Variants in CLEC4F observed in about 807,000 individuals in gnomAD.
The protein encoded by CLEC4F is C-type lectin domain family 4 member F, also known as C-type (calcium dependent, carbohydrate-recognition domain) lectin, superfamily member 13.
A neutral mutation model predicts 53.4 loss-of-function variants in CLEC4F; 45 were observed. That is an observed-to-expected ratio of 0.84 (90% CI 0.66 to 1.08). The LOEUF (loss-of-function observed/expected upper bound fraction) is 1.08. Among genes scored for constraint, CLEC4F ranks in the 50% least tolerant of loss-of-function variants. The pLI, the probability that CLEC4F is intolerant of heterozygous loss-of-function variation, is 0.00. For missense variants in CLEC4F, 753 were observed against 698.2 expected, an observed-to-expected ratio of 1.08 and a Z score of -0.88; for synonymous variants, 245 against 257.5, an observed-to-expected ratio of 0.95 and a Z score of 0.46.
At chr2:70,810,814 C>A in intron 5 of CLEC4F, 1 of 526,354 alleles carries the variant, frequency 1.9e-6, no homozygotes. Flanking sequence ...TTCACTTTCC[C>A]CAGAAATTGA....
intron 4 of CLEC4F, among the ~76,000 whole-genome samples, chr2:70,815,592 C>A (rs1553395568): frequency 3.9e-5 from 6 of 152,172 alleles, no homozygotes; most frequent in Non-Finnish European, 8.8e-5. Flanking sequence ...CTCATTGGAT[C>A]CTCACTGTGA....
chr2:70,811,740 G>A (rs576326130), intron 5 of CLEC4F, among the ~76,000 whole-genome samples: 1 of 152,138 alleles, frequency 6.6e-6, no homozygotes, highest in African/African-American at 2.4e-5. Context: ...AGAAGCCTGG[G>A]TCTCCTATTC....
At chr2:70,823,875 C>T (rs1025382541), upstream of CLEC4F, among the ~76,000 whole-genome samples, 3 of 151,872 alleles carry the variant, frequency 2.0e-5, no homozygotes, top group Admixed American at 6.6e-5. Context: ...ATTAAAAATA[C>T]AAAAACTAAC....
In CLEC4F at chr2:70,820,579, GT is replaced by G. The variant is rs1189620093; in HGVS notation, c.-57del. 27 of 1,523,804 alleles carry G rather than the reference GT, an allele frequency of 1.8e-5. No individual in the cohort carries two copies. The Middle Eastern group carries it at 1.2e-3, about 69-fold the overall frequency. 94.4% of individuals were successfully genotyped at this position (1,523,804 alleles called of 1,614,324 possible). Reference sequence around the variant, plus strand: ...CCAGCCACTGGCTCCTGGAAGGGCCGTCCCGTGGACCAATGGCAGTGGAAGC... The same window carrying G: ...CCAGCCACTGGCTCCTGGAAGGGCCGCCCGTGGACCAATGGCAGTGGAAGC... On this transcript the variant is annotated 5_prime_UTR_variant, in exon 1 of 7. Transcript: ENST00000272367.
At position 70,808,766 on chromosome 2, in the gene CLEC4F, C is replaced by T. The variant is rs1001761611; in HGVS notation, c.*505G>A. 5 of 360,030 alleles carry T rather than the reference C, an allele frequency of 1.4e-5. No individual in the cohort carries two copies. Among genetic ancestry groups the T allele is most frequent in the Admixed American group, 8.0e-5 (2 of 24,876 alleles). 22.3% of individuals were successfully genotyped at this position (360,030 alleles called of 1,614,324 possible). On this transcript the variant is annotated 3_prime_UTR_variant, in exon 7 of 7. Coordinates refer to ENST00000272367, the MANE Select transcript of CLEC4F (RefSeq NM_173535.3). ...AAGCCACTGATGTCACTGGGTCACTCGAGGTAAGCATGTTTGAAAGGGCTG... is the reference window on the plus strand; with the variant it reads ...AAGCCACTGATGTCACTGGGTCACTTGAGGTAAGCATGTTTGAAAGGGCTG...
In CLEC4F at chr2:70,812,441, T is replaced by C; in HGVS notation, c.1539+6A>G. 2 of 1,613,800 alleles carry C rather than the reference T, an allele frequency of 1.2e-6. No homozygotes were observed. The highest frequency in any genetic ancestry group is 1.7e-6 in the Non-Finnish European group (2 of 1,179,968). On this transcript the variant is annotated splice_donor_region_variant and intron_variant, in intron 5 of 6. Transcript: ENST00000272367. Reference sequence around the variant, plus strand: ...ACCAACAACACCCCATGCTCGCAGCTCTGACCTGCTCCTCCTTGGAGGCCA... The same window carrying C: ...ACCAACAACACCCCATGCTCGCAGCCCTGACCTGCTCCTCCTTGGAGGCCA...
At chr2:70,814,170 A>ACCAGCACTAAATGGTACATCC (rs1475444337) in intron 4 of CLEC4F, among the ~76,000 whole-genome samples, 2 of 152,226 alleles carry the variant, frequency 1.3e-5, no homozygotes, top group Non-Finnish European at 2.9e-5. Context: ...GGACAGGTTC[A>ACCAGCACTAAATGGTACATCC]CCAGCACTAA....
chr2:70,818,093 T>A (rs1677029802), intron 3 of CLEC4F, among the ~76,000 whole-genome samples: 1 of 152,196 alleles, frequency 6.6e-6, no homozygotes, highest in African/African-American at 2.4e-5. Flanking sequence ...AGGGACCCTT[T>A]CTGGAGCATC....
chr2:70,819,195 G>C (rs1264995295), intron 3 of CLEC4F, among the ~76,000 whole-genome samples, 160 bp downstream of exon 3: 1 of 152,118 alleles, frequency 6.6e-6, no homozygotes, highest in Non-Finnish European at 1.5e-5. Flanking sequence ...TACACCATTA[G>C]ACCTCAATAA....
At chr2:70,811,925 A>G (rs1475729770) in intron 5 of CLEC4F, among the ~76,000 whole-genome samples, 2 of 152,136 alleles carry the variant, frequency 1.3e-5, no homozygotes, top group East Asian at 3.8e-4. Context: ...AATACTCCCC[A>G]AAATTAGCCA....
chr2:70,819,273 CCAGGAGAGAAGCTCATCCTA>C, intron 3 of CLEC4F, 62 bp downstream of exon 3: 1 of 1,065,594 alleles, frequency 9.4e-7, no homozygotes, highest in Non-Finnish European at 1.5e-6. Flanking sequence ...TCAGAGGGTA[CCAGGAGAGAAGCTCATCCTA>C]GGGTCTGAGC....
intron 4 of CLEC4F, among the ~76,000 whole-genome samples, chr2:70,813,643 C>CTTTCTT (rs1676734930): frequency 1.7e-5 from 2 of 116,150 alleles, no homozygotes; most frequent in Non-Finnish European, 3.7e-5. Flanking sequence ...TTCTTTCTTT[C>CTTTCTT]GCTCTCTCTC....
upstream of CLEC4F, among the ~76,000 whole-genome samples, chr2:70,822,623 G>A (rs1002238437): frequency 6.6e-6 from 1 of 152,168 alleles, no homozygotes; most frequent in African/African-American, 2.4e-5. Flanking sequence ...AGCCAGTGCT[G>A]GGGTTACCAG....
At chr2:70,815,972 G>A (rs72907954) in intron 4 of CLEC4F, 22 bp downstream of exon 4, 7 of 1,599,628 alleles carry the variant, frequency 4.4e-6, no homozygotes, top group Admixed American at 1.7e-5. Flanking sequence ...CTCCCCAAAC[G>A]CGACTCCCCT....
rs550729196 is a variant in CLEC4F, at chr2:70,813,814, T to C, written c.1388-1216A>G. 2.3e-4 allele frequency among the ~76,000 whole-genome samples: 35 copies of C among 152,056 alleles called. 1 individual carries two copies. In the East Asian group the frequency reaches 6.2e-3, roughly 27 times the overall value. ...TGCCTACCCTCCTGAGTAGCTGGGA[T>C]TACAGGTGCCCGCCACCATGCCCGG... On this transcript the variant is annotated intron_variant, in intron 4 of 6. Transcript: ENST00000272367.
upstream of CLEC4F, among the ~76,000 whole-genome samples, chr2:70,824,007 G>A (rs1241891317): frequency 7.1e-6 from 1 of 140,130 alleles, no homozygotes; most frequent in Non-Finnish European, 1.5e-5. Flanking sequence ...TCCAGCCTGG[G>A]TGACAGAGCA....
At chr2:70,819,997 T>A in intron 1 of CLEC4F, 106 bp from the exon 2 acceptor site, 2 of 718,440 alleles carry the variant, frequency 2.8e-6, no homozygotes, top group Non-Finnish European at 4.6e-6. Context: ...CTGGGTTGTC[T>A]AATGGGGATG....
rs1403143830 is a variant in CLEC4F at position 70,809,341 on chromosome 2, A to G, written c.1700T>C (p.Ile567Thr). The G allele has an allele frequency of 5.0e-6, 8 of 1,613,478 alleles. No homozygotes were observed. Among genetic ancestry groups the G allele is most frequent in the Non-Finnish European group, 5.9e-6 (7 of 1,179,818 alleles). Residue 567 changes from isoleucine (I) to threonine (T), a missense_variant, in exon 7 of 7, where the codon ATT (isoleucine) becomes ACT (threonine). Transcript: ENST00000272367. Reference sequence around the variant, plus strand: ...GCAAGCTCCCATCCCAGAATTCACAATAATATACTTTCTGAGTGGGCAGGA... The same window carrying G: ...GCAAGCTCCCATCCCAGAATTCACAGTAATATACTTTCTGAGTGGGCAGGA... Reference protein sequence around the residue: ...KGSCPLRKYIIVNSGMGACSF... With the variant: ...KGSCPLRKYITVNSGMGACSF...
upstream of CLEC4F, among the ~76,000 whole-genome samples, chr2:70,825,173 T>G (rs962709973): frequency 1.3e-5 from 2 of 151,960 alleles, no homozygotes; most frequent in African/African-American, 4.8e-5. Context: ...CCAGACAAAT[T>G]CCATTTAAGG....
Sources: allele counts gnomAD v4.1 joint callset (sites outside exome capture counted in the v4.1 genomes callset), GRCh38; gene constraint gnomAD v4.1.1; transcripts MANE v1.5; gene names NCBI Gene and HGNC (gene_info 2026-07-23, HGNC 2026-07-21).